Variants in GNB1 observed in about 807,000 individuals in gnomAD.
GNB1 encodes the protein guanine nucleotide-binding protein G(I)/G(S)/G(T) subunit beta-1.
Under a neutral mutation model 42.9 loss-of-function variants are expected in GNB1, and 2 were observed. The observed-to-expected ratio is 0.05, with a 90% confidence interval of 0.02 to 0.15. The LOEUF (loss-of-function observed/expected upper bound fraction) is 0.15. Among genes scored for constraint, GNB1 ranks in the 10% least tolerant of loss-of-function variants. The pLI, the probability that GNB1 is intolerant of heterozygous loss-of-function variation, is 1.00. For synonymous variants in GNB1, 183 were observed against 174.7 expected, an observed-to-expected ratio of 1.05 and a Z score of -0.38; for missense variants, 193 against 462.2, an observed-to-expected ratio of 0.42 and a Z score of 5.34.
chr1:1,852,375 C>T lies in GNB1; in HGVS notation c.-95-13137G>A, dbSNP rs547706635. Among the ~76,000 whole-genome samples the T allele has an allele frequency of 4.6e-5, 7 of 152,150 alleles. No individual in the cohort carries two copies. The East Asian group carries it at 1.4e-3, about 30-fold the overall frequency. ...TCCCAAGTAGCTGGGACTATAGACG[C>T]CCGCCACCACGCCTGGCTAATTTTT... On this transcript the variant is annotated intron_variant, in intron 1 of 11. Transcript: ENST00000378609.
chr1:1,832,063 CAAA>C (rs574314079), intron 2 of GNB1, among the ~76,000 whole-genome samples: 8 of 87,058 alleles, frequency 9.2e-5, no homozygotes, highest in Admixed American at 1.3e-4. Context: ...GACCTTGTCT[CAAA>C]AAAAAAAAAA....
intron 3 of GNB1, among the ~76,000 whole-genome samples, chr1:1,822,324 C>T (rs1341311881): frequency 2.3e-4 from 31 of 134,736 alleles, no homozygotes; most frequent in Non-Finnish European, 1.2e-4. Context: ...TTTTTTGAGA[C>T]GGAGTCTCGC....
In GNB1 at chr1:1,800,754, A is replaced by T. The variant is rs1271080317; in HGVS notation, c.430+3665T>A. Among the ~76,000 whole-genome samples, 76 of 123,698 alleles carry T rather than the reference A, an allele frequency of 6.1e-4. No individual in the cohort carries two copies. In the East Asian group the frequency reaches 0.012, roughly 20 times the overall value. 81.2% of individuals were successfully genotyped at this position (123,698 alleles called of 152,430 possible). A position where few individuals can be genotyped will look rare whatever the true frequency, so the allele number is the denominator to read the frequency against. ...CTAAAAACCAAATCTTTAGATTGTT[A>T]AAAAAAAAAAAAAAAAAGAAAAATA... On this transcript the variant is annotated intron_variant, in intron 7 of 11. Transcript: ENST00000378609.
intron 5 of GNB1, among the ~76,000 whole-genome samples, 157 bp from the exon 6 acceptor site, chr1:1,806,695 C>A (rs1000337519): frequency 2.0e-5 from 3 of 152,158 alleles, no homozygotes; most frequent in African/African-American, 7.2e-5. Flanking sequence ...AATCTCTGGT[C>A]GGGCACAGTT....
rs1331059359 is a variant in GNB1, at chr1:1,815,742, A to G, written c.203+14T>C. On this transcript the variant is annotated intron_variant, in intron 5 of 11. Transcript: ENST00000378609. ...GAATGTAACAAGCAGCATCCTGCTC[A>G]TGCCCACGCCTACCTGGAGTCTGTG... is the stretch of plus-strand genomic sequence containing the variant. 7.1e-7 allele frequency: 1 copy of G among 1,399,642 alleles called. No individual in the cohort carries two copies. The highest frequency in any genetic ancestry group is 2.3e-5 in the East Asian group (1 of 43,880). 86.7% of individuals were successfully genotyped at this position (1,399,642 alleles called of 1,614,324 possible).
intron 1 of GNB1, among the ~76,000 whole-genome samples, chr1:1,872,239 A>G (rs1289026165): frequency 6.6e-6 from 1 of 152,048 alleles, no homozygotes; most frequent in African/African-American, 2.4e-5. Context: ...CAACCTCCCA[A>G]ACTGTTAGGA....
chr1:1,849,822 T>A (rs986440299), intron 1 of GNB1, among the ~76,000 whole-genome samples: 1 of 152,194 alleles, frequency 6.6e-6, no homozygotes, highest in Non-Finnish European at 1.5e-5. Flanking sequence ...TGGAGTCCTC[T>A]GAACTTCACA....
At chr1:1,813,025 C>G (rs1051134626) in intron 5 of GNB1, among the ~76,000 whole-genome samples, 3 of 152,192 alleles carry the variant, frequency 2.0e-5, no homozygotes, top group African/African-American at 7.2e-5. Flanking sequence ...GTCTACTCCA[C>G]TAACCTGCCT....
chr1:1,845,643 G>A (rs1197881022), intron 1 of GNB1, among the ~76,000 whole-genome samples: 1 of 152,028 alleles, frequency 6.6e-6, no homozygotes, highest in Non-Finnish European at 1.5e-5. Context: ...GGATATGTAT[G>A]CCAGAGCGAA....
intron 1 of GNB1, among the ~76,000 whole-genome samples, chr1:1,857,239 A>G (rs1370818644): frequency 1.4e-5 from 2 of 147,906 alleles, no homozygotes; most frequent in Admixed American, 1.3e-4. Flanking sequence ...AGAGGTCCCA[A>G]GGAAACTAAA....
rs1410725015 is a variant in GNB1 at position 1,848,342 on chromosome 1, G to A, written c.-95-9104C>T. Among the ~76,000 whole-genome samples the A allele has an allele frequency of 4.3e-5, 6 of 138,698 alleles. No homozygotes were observed. The East Asian group carries it at 1.3e-3, about 29-fold the overall frequency. 91.0% of individuals were successfully genotyped at this position (138,698 alleles called of 152,430 possible). On this transcript the variant is annotated intron_variant, in intron 1 of 11. Coordinates refer to ENST00000378609, the MANE Select transcript of GNB1 (RefSeq NM_002074.5). ...TGCAGTGAGCCAAGACTGAGCCATTGCACTCCAGCCCAGGCAAAAAAAAAA... is the reference window on the plus strand; with the variant it reads ...TGCAGTGAGCCAAGACTGAGCCATTACACTCCAGCCCAGGCAAAAAAAAAA...
intron 3 of GNB1, among the ~76,000 whole-genome samples, chr1:1,821,867 T>C (rs1438731527): frequency 6.6e-6 from 1 of 152,192 alleles, no homozygotes; most frequent in Non-Finnish European, 1.5e-5. Flanking sequence ...GGGCCAGGCA[T>C]GGTGGTTCAC....
chr1:1,799,190 G>A (rs961456361), intron 7 of GNB1, among the ~76,000 whole-genome samples: 2 of 152,158 alleles, frequency 1.3e-5, no homozygotes, highest in Admixed American at 6.5e-5. Flanking sequence ...AAAGTGCTGG[G>A]ATTACAGGCG....
At chr1:1,793,167 T>C in intron 8 of GNB1, 78 bp downstream of exon 8, 1 of 828,714 alleles carries the variant, frequency 1.2e-6, no homozygotes, top group South Asian at 1.6e-5. Context: ...AAGAACCTTA[T>C]TTCCTCCATG....
chr1:1,874,250 C>G (rs1649406420), intron 1 of GNB1, among the ~76,000 whole-genome samples: 1 of 152,116 alleles, frequency 6.6e-6, no homozygotes, highest in African/African-American at 2.4e-5. Flanking sequence ...GCAGGCAGAT[C>G]ACGAGGCCAG....
chr1:1,855,332 AAAAAG>A (rs1379725255), intron 1 of GNB1, among the ~76,000 whole-genome samples: 56 of 151,148 alleles, frequency 3.7e-4, no homozygotes, highest in African/African-American at 1.1e-3. Context: ...AAAAAAAAAA[AAAAAG>A]AAAAGAAAAG....
intron 8 of GNB1, among the ~76,000 whole-genome samples, chr1:1,791,229 T>G (rs1413440351): frequency 6.7e-6 from 1 of 149,708 alleles, no homozygotes; most frequent in African/African-American, 2.5e-5. Context: ...TGGAGTGCAA[T>G]GGCGCGATCT....
In GNB1 at chr1:1,811,510, C is replaced by A. The variant is rs574078100; in HGVS notation, c.203+4246G>T. Among the ~76,000 whole-genome samples, 5 of 148,700 alleles carry A rather than the reference C, an allele frequency of 3.4e-5. No individual in the cohort carries two copies. In the South Asian group the frequency reaches 1.1e-3, roughly 32 times the overall value. On this transcript the variant is annotated intron_variant, in intron 5 of 11. Coordinates refer to ENST00000378609, the MANE Select transcript of GNB1 (RefSeq NM_002074.5). ...GAGATCGAGACCACCCTGGCTAACA[C>A]GGTGAAATCCCGTCTCTACTAAAAA...
chr1:1,797,131 G>C (rs1408421647), intron 7 of GNB1, among the ~76,000 whole-genome samples: 1 of 152,172 alleles, frequency 6.6e-6, no homozygotes, highest in Non-Finnish European at 1.5e-5. Context: ...AGCCCTGTGA[G>C]GAAACTTACC....
Sources: gnomAD v4.1 joint callset for allele counts (sites outside exome capture counted in the v4.1 genomes callset) on GRCh38, gnomAD v4.1.1 for gene constraint, MANE v1.5 for transcripts, NCBI Gene and HGNC (gene_info 2026-07-23, HGNC 2026-07-21) for gene names.